The following RRAGB variants were observed in gnomAD, a reference collection of about 807,000 sequenced individuals.
RRAGB encodes the protein Ras related GTP binding B, also known as ras-related GTP-binding protein B.
In RRAGB, 6 loss-of-function variants were observed where a neutral mutation model predicts 29.3. The ratio of observed to expected loss-of-function variants is 0.21; its 90% confidence interval spans 0.11 to 0.40. The LOEUF is 0.40. RRAGB is among the 10% of genes least tolerant of loss of function. The pLI is 1.00. For missense variants in RRAGB, 184 were observed against 272.9 expected, an observed-to-expected ratio of 0.67 and a Z score of 2.29; for synonymous variants, 101 against 92.5, an observed-to-expected ratio of 1.09 and a Z score of -0.53.
intron 5 of RRAGB, among the ~76,000 whole-genome samples, chrX:55,748,103 C>T (rs1007573474): frequency 4.4e-5 from 5 of 112,833 alleles, no homozygotes; most frequent in South Asian, 3.6e-4. Context: ...CTCCTAACCC[C>T]GAGTGATCCG....
intron 3 of RRAGB, among the ~76,000 whole-genome samples, chrX:55,723,726 T>G (rs1258797642): frequency 9.1e-6 from 1 of 110,090 alleles, no homozygotes; most frequent in African/African-American, 3.3e-5. Context: ...CCAGCTAATT[T>G]TTTTTATTTT....
chrX:55,748,801 G>T (rs1301441277), intron 5 of RRAGB, among the ~76,000 whole-genome samples: 1 of 103,127 alleles, frequency 9.7e-6, no homozygotes, highest in African/African-American at 3.6e-5. Flanking sequence ...TCAGCCCCCC[G>T]CCTGGCCAGC....
rs770027999 is a variant in RRAGB at position 55,719,803 on chromosome X, C to G, written c.126+456C>G. 4.4e-5 allele frequency among the ~76,000 whole-genome samples: 5 copies of G among 112,421 alleles called. No individual in the cohort carries two copies. In the East Asian group the frequency reaches 8.4e-4, roughly 19 times the overall value. On this transcript the variant is annotated intron_variant, in intron 2 of 9. Coordinates refer to ENST00000374941, the MANE Select transcript of RRAGB (RefSeq NM_006064.5). ...CACTATAAGGTCTTATTGAGTTCTTCAGATAGAATTGGACACACCTTCCTT... is the reference window on the plus strand; with the variant it reads ...CACTATAAGGTCTTATTGAGTTCTTGAGATAGAATTGGACACACCTTCCTT...
At chrX:55,748,864 G>T (rs1463634739) in intron 5 of RRAGB, among the ~76,000 whole-genome samples, 2 of 105,122 alleles carry the variant, frequency 1.9e-5, no homozygotes, top group South Asian at 4.5e-4. Flanking sequence ...CCACTGGGAA[G>T]TGAGGAGCCC....
intron 4 of RRAGB, among the ~76,000 whole-genome samples, chrX:55,730,693 T>G (rs1411704041): frequency 1.8e-5 from 2 of 111,818 alleles, no homozygotes; most frequent in African/African-American, 6.5e-5. Context: ...TCAGCAAATT[T>G]TCATTGAGTA....
At chrX:55,734,032 C>T (rs190506094) in intron 5 of RRAGB, among the ~76,000 whole-genome samples, 1,387 of 107,997 alleles carry the variant, frequency 0.013, 19 homozygotes, top group African/African-American at 0.045. Flanking sequence ...GGCGTGGTCT[C>T]GTCTCACTGC....
Position 55,729,282 on chromosome X carries a change from T to A in RRAGB, c.227-12T>A. ...TGTTATAATTACTAGATTTGTCATATTTGTCTTCCAGTTGATGTAGAACAT... is the reference window on the plus strand; with the variant it reads ...TGTTATAATTACTAGATTTGTCATAATTGTCTTCCAGTTGATGTAGAACAT... On this transcript the variant is annotated splice_polypyrimidine_tract_variant and intron_variant, in intron 3 of 9. Transcript: ENST00000374941. 1 of 1,154,676 alleles carries A rather than the reference T, an allele frequency of 8.7e-7. No homozygotes were observed. The highest frequency in any genetic ancestry group is 1.2e-6 in the Non-Finnish European group (1 of 844,630).
rs2033678885 is a variant in RRAGB, at chrX:55,731,496, C to T, written c.426C>T (p.Cys142=). The T allele has an allele frequency of 3.3e-6, 4 of 1,208,870 alleles. No homozygotes were observed. Among genetic ancestry groups the T allele is most frequent in the Non-Finnish European group, 4.5e-6 (4 of 893,389 alleles). The change falls in exon 5 of 10, where the codon TGC becomes TGT. Residue 142 remains cysteine, a synonymous_variant. Coordinates refer to ENST00000374941, the MANE Select transcript of RRAGB (RefSeq NM_006064.5). ...LEKDMHYYQS[C]LEAILQNSPD... ...AGGACATGCACTATTACCAATCATG[C>T]CTGGAGGCCATTCTGCAGAATTCTC... is the stretch of plus-strand genomic sequence containing the variant.
intron 3 of RRAGB, among the ~76,000 whole-genome samples, chrX:55,727,599 G>A (rs1218803285): frequency 9.0e-6 from 1 of 111,631 alleles, no homozygotes; most frequent in African/African-American, 3.3e-5. Context: ...CTTGCCCAAG[G>A]TCACATAGAG....
At chrX:55,730,486 G>T (rs2033638935) in intron 4 of RRAGB, among the ~76,000 whole-genome samples, 1 of 112,000 alleles carries the variant, frequency 8.9e-6, no homozygotes, top group African/African-American at 3.2e-5. Context: ...TAATAGCAAA[G>T]TGCAGGACTA....
At chrX:55,731,651 T>C (rs1736387365) in intron 5 of RRAGB, 65 bp downstream of exon 5, 8 of 726,692 alleles carry the variant, frequency 1.1e-5, no homozygotes, top group Non-Finnish European at 1.4e-5. Context: ...TTTGTAGAGG[T>C]ATAGGTAAAT....
intron 4 of RRAGB, 51 bp downstream of exon 4, chrX:55,729,411 C>A: frequency 1.2e-6 from 1 of 801,346 alleles, no homozygotes; most frequent in Non-Finnish European, 1.9e-6. Flanking sequence ...GTAATCGTGG[C>A]ATCTAGTATA....
At chrX:55,755,662 G>A (rs944042016) in intron 7 of RRAGB, 179 bp from the exon 8 acceptor site, 4 of 981,428 alleles carry the variant, frequency 4.1e-6, no homozygotes, top group Admixed American at 4.7e-5. Context: ...CTGAATGGAC[G>A]TTGAAACCAC....
rs2033484050 is a variant in RRAGB at position 55,726,541 on chromosome X, G to A, written c.227-2753G>A. On this transcript the variant is annotated intron_variant, in intron 3 of 9. Coordinates refer to ENST00000374941, the MANE Select transcript of RRAGB (RefSeq NM_006064.5). ...AATAGACCAGGTGAGAGATGATGGGGGCTTGATTTGGGCTAGGGTGATGAT... is the reference window on the plus strand; with the variant it reads ...AATAGACCAGGTGAGAGATGATGGGAGCTTGATTTGGGCTAGGGTGATGAT... Among the ~76,000 whole-genome samples the A allele has an allele frequency of 4.5e-5, 5 of 111,277 alleles. 1 individual carries two copies. The Admixed American group carries it at 4.8e-4, about 11-fold the overall frequency.
At chrX:55,720,998 C>T (rs928325302) in intron 2 of RRAGB, among the ~76,000 whole-genome samples, 2 of 112,211 alleles carry the variant, frequency 1.8e-5, no homozygotes, top group South Asian at 3.7e-4. Context: ...CCTTTTAGTA[C>T]GAGAGTATAG....
intron 7 of RRAGB, among the ~76,000 whole-genome samples, chrX:55,753,796 G>A (rs1234891438): frequency 8.9e-6 from 1 of 112,491 alleles, no homozygotes; most frequent in Admixed American, 9.4e-5. Flanking sequence ...TGTAATCCCA[G>A]CACTTTGGGA....
At chrX:55,740,957 C>T (rs1476320972) in intron 5 of RRAGB, among the ~76,000 whole-genome samples, 1 of 110,223 alleles carries the variant, frequency 9.1e-6, no homozygotes, top group Non-Finnish European at 1.9e-5. Context: ...CTTTTTGGTG[C>T]ACATCCCAAT....
chrX:55,742,175 T>A (rs2034102158), intron 5 of RRAGB, among the ~76,000 whole-genome samples: 1 of 112,819 alleles, frequency 8.9e-6, no homozygotes, highest in Admixed American at 9.3e-5. Flanking sequence ...ATTTACTTTA[T>A]ATACATATAT....
chrX:55,758,312 A>G lies in RRAGB; in HGVS notation c.1010A>G (p.Asp337Gly), dbSNP rs781442207. The change falls in exon 10 of 10, where the codon GAT (aspartate) becomes GGT (glycine). Residue 337 changes from aspartate (D) to glycine (G), a missense_variant. Coordinates refer to ENST00000374941, the MANE Select transcript of RRAGB (RefSeq NM_006064.5). Reference protein sequence around the residue: ...RKHFEKLERVDGPKQCLLMR With the variant: ...RKHFEKLERVGGPKQCLLMR ...CACTTTGAAAAGCTGGAAAGAGTGG[A>G]TGGACCAAAGCAGTGTCTTCTCATG... 1 of 1,204,102 alleles carries G rather than the reference A, an allele frequency of 8.3e-7. No individual in the cohort carries two copies. The highest frequency in any genetic ancestry group is 1.1e-6 in the Non-Finnish European group (1 of 889,498).
Sources: allele counts gnomAD v4.1 joint callset (sites outside exome capture counted in the v4.1 genomes callset), GRCh38; gene constraint gnomAD v4.1.1; transcripts MANE v1.5; gene names NCBI Gene and HGNC (gene_info 2026-07-23, HGNC 2026-07-21).